Variants in TRAP1 observed in about 807,000 individuals in gnomAD.
TRAP1 encodes the protein TNF receptor associated protein 1, also known as heat shock protein 75 kDa, mitochondrial.
A neutral mutation model predicts 89.1 loss-of-function variants in TRAP1; 102 were observed. The ratio of observed to expected loss-of-function variants is 1.15; its 90% CI spans 0.98 to 1.35. The LOEUF (loss-of-function observed/expected upper bound fraction) is 1.35. Ranked by LOEUF, TRAP1 falls within the 40% of genes most tolerant of loss-of-function variation. The pLI, the probability that TRAP1 is intolerant of heterozygous loss-of-function variation, is 0.00. For missense variants in TRAP1, 1,256 were observed against 945.3 expected (o/e 1.33, Z -4.31); for synonymous variants, 508 against 388.0 (o/e 1.31, Z -3.64).
intron 8 of TRAP1, 104 bp from the exon 9 acceptor site, chr16:3,674,598 C>T: frequency 2.1e-6 from 3 of 1,404,266 alleles, no homozygotes; most frequent in Non-Finnish European, 2.9e-6. Flanking sequence ...GGACAGGCTC[C>T]TGGGACAGAC....
intron 9 of TRAP1, among the ~76,000 whole-genome samples, chr16:3,673,416 T>A (rs1485085185): frequency 2.0e-5 from 3 of 152,146 alleles, no homozygotes; most frequent in African/African-American, 7.2e-5. Flanking sequence ...TCGTGGAACG[T>A]GCCTGCCAAC....
At chr16:3,672,552 A>C (rs1284882188) in intron 10 of TRAP1, 148 bp downstream of exon 10, 1 of 1,308,206 alleles carries the variant, frequency 7.6e-7, no homozygotes, top group Admixed American at 2.8e-5. Context: ...CGGGGTCTGT[A>C]AACGCGACTG....
intron 1 of TRAP1, among the ~76,000 whole-genome samples, chr16:3,691,891 G>C (rs905159441): frequency 6.6e-6 from 1 of 152,168 alleles, no homozygotes; most frequent in Admixed American, 6.5e-5. Flanking sequence ...CCAGTGGGCT[G>C]AGAAAGTTGC....
At chr16:3,695,341 C>T (rs913861526) in intron 1 of TRAP1, among the ~76,000 whole-genome samples, 9 of 152,008 alleles carry the variant, frequency 5.9e-5, no homozygotes, top group South Asian at 4.2e-4. Flanking sequence ...GTATGTCTCT[C>T]TTAGAACCAT....
chr16:3,714,823 C>G (rs575936651), intron 1 of TRAP1, among the ~76,000 whole-genome samples: 1 of 152,122 alleles, frequency 6.6e-6, no homozygotes, highest in East Asian at 1.9e-4. Context: ...TGAAGCCAGG[C>G]ACATGCTACA....
rs1284423311 is a variant in TRAP1 at position 3,679,785 on chromosome 16, A to G, written c.477T>C (p.Thr159=). The G allele has an allele frequency of 6.2e-7, 1 of 1,614,082 alleles. No individual in the cohort carries two copies. The highest frequency in any genetic ancestry group is 1.7e-5 in the Admixed American group (1 of 60,030). The change falls in exon 5 of 18, where the codon ACT becomes ACC. Residue 159 remains threonine (T), a synonymous_variant. Coordinates refer to ENST00000246957, the MANE Select transcript of TRAP1 (RefSeq NM_016292.3). ...AEKGTITIQD[T]GIGMTQEELV... The stretch of plus-strand genomic sequence containing the variant: ...GCTCTTCCTGTGTCATCCCGATACC[A>G]GTATCCTGAGGAGAGAGACGCACTA...
chr16:3,689,490 C>T (rs1361687567), intron 2 of TRAP1, among the ~76,000 whole-genome samples: 3 of 152,044 alleles, frequency 2.0e-5, no homozygotes, highest in African/African-American at 4.8e-5. Context: ...ATGATTGGCC[C>T]GCCTCGGCCT....
In TRAP1 at chr16:3,712,015, A is replaced by AC. The variant is rs201316283; in HGVS notation, c.88+5405dup. ...CTATCAAGATTCTTTGTCAGGCCCGACGTGGTAGCTCATGTCTGTAATCCC... is the reference window on the plus strand; with the variant it reads ...CTATCAAGATTCTTTGTCAGGCCCGACCGTGGTAGCTCATGTCTGTAATCCC... On this transcript the variant is annotated intron_variant, in intron 1 of 17. Coordinates refer to ENST00000246957, the MANE Select transcript of TRAP1 (RefSeq NM_016292.3). Among the ~76,000 whole-genome samples, 1,337 of 152,142 alleles carry AC rather than the reference A, an allele frequency of 8.8e-3. 7 individuals carry two copies. The highest frequency in any genetic ancestry group is 0.025 in the African/African-American group (1,029 of 41,506).
chr16:3,672,588 C>T lies in TRAP1; in HGVS notation c.1165+112G>A, dbSNP rs1044223813. ...ACACACAGGCAGCGCAGGCCGACGG[C>T]GGTGCTCTCGCTGCAGAGGGCTGCT... On this transcript the variant is annotated intron_variant, in intron 10 of 17. Transcript: ENST00000246957. 5.7e-5 allele frequency: 82 copies of T among 1,437,496 alleles called. No homozygotes were observed. The Admixed American group carries it at 1.4e-3, about 25-fold the overall frequency. The allele number at this position is 1,437,496 out of a possible 1,614,324, so 89.0% of individuals were successfully genotyped here. A position where few individuals can be genotyped will look rare whatever the true frequency, so the allele number is the denominator to read the frequency against.
chr16:3,687,863 C>CAAAAA lies in TRAP1; in HGVS notation c.330+1187_330+1191dup, dbSNP rs200270261. ...ACCCTGTTCCAAAAAATTAAAAAAC[C>CAAAAA]AAAAAAAAAAAAAACAAAAACCCAC... On this transcript the variant is annotated intron_variant, in intron 3 of 17. Transcript: ENST00000246957. Among the ~76,000 whole-genome samples, 35 of 112,352 alleles carry CAAAAA rather than the reference C, an allele frequency of 3.1e-4. 1 individual carries two copies. The highest frequency in any genetic ancestry group is 4.7e-4 in the Non-Finnish European group (26 of 55,708). 73.7% of individuals were successfully genotyped at this position (112,352 alleles called of 152,430 possible).
intron 10 of TRAP1, 32 bp downstream of exon 10, chr16:3,672,668 G>A (rs774074592): frequency 6.3e-7 from 1 of 1,592,576 alleles, no homozygotes; most frequent in Admixed American, 1.7e-5. Flanking sequence ...CTGGGCCACG[G>A]GGGCACTGCT....
intron 9 of TRAP1, 27 bp from the exon 10 acceptor site, chr16:3,672,847 T>A (rs752777810): frequency 5.6e-6 from 9 of 1,604,696 alleles, no homozygotes; most frequent in Admixed American, 1.7e-5. Context: ...CACGCCATCA[T>A]GCAGCACTGA....
In TRAP1 at chr16:3,717,253, G is replaced by T. The variant is rs1029357199; in HGVS notation, c.88+168C>A. 1.4e-4 allele frequency among the ~76,000 whole-genome samples: 21 copies of T among 152,350 alleles called. 3 individuals are homozygous for T. Among genetic ancestry groups the T allele is most frequent in the African/African-American group, 5.1e-4 (21 of 41,580 alleles). On this transcript the variant is annotated intron_variant, in intron 1 of 17. Transcript: ENST00000246957. ...CCGAGGAAAAGGCAGCCAAGCTGGA[G>T]CTGGCGAGGAGCGGAGCGAAAGTAA...
intron 1 of TRAP1, among the ~76,000 whole-genome samples, chr16:3,700,952 C>G (rs957827835): frequency 2.0e-5 from 3 of 152,040 alleles, no homozygotes; most frequent in Non-Finnish European, 4.4e-5. Flanking sequence ...GCAATAAATC[C>G]AGCCACATCG....
chr16:3,695,847 A>G (rs2051280174), intron 1 of TRAP1, among the ~76,000 whole-genome samples: 1 of 152,158 alleles, frequency 6.6e-6, no homozygotes, highest in Admixed American at 6.6e-5. Flanking sequence ...GATTGTGGCT[A>G]CTGAGTTGGG....
At chr16:3,676,186 A>G (rs1250730526) in intron 6 of TRAP1, 41 bp from the exon 7 acceptor site, 2 of 1,567,196 alleles carry the variant, frequency 1.3e-6, no homozygotes, top group Admixed American at 1.7e-5. Context: ...TGGATGTGAC[A>G]CTGGGACATA....
At chr16:3,678,769 T>A (rs1357560586) in intron 5 of TRAP1, among the ~76,000 whole-genome samples, 1 of 152,234 alleles carries the variant, frequency 6.6e-6, no homozygotes, top group Admixed American at 6.5e-5. Context: ...CCTAGTGTTT[T>A]CATCTTACAG....
intron 14 of TRAP1, 108 bp downstream of exon 14, chr16:3,663,316 G>A (rs1290357203): frequency 2.7e-6 from 4 of 1,465,156 alleles, no homozygotes; most frequent in African/African-American, 2.8e-5. Context: ...GGGGGTGGCT[G>A]AGCCCAGGTC....
chr16:3,683,880 G>A (rs2051104823), intron 4 of TRAP1, among the ~76,000 whole-genome samples: 2 of 152,052 alleles, frequency 1.3e-5, no homozygotes, highest in South Asian at 4.1e-4. Flanking sequence ...AAAGGAAATG[G>A]TGAGACTAGG....
Sources: allele counts gnomAD v4.1 joint callset (sites outside exome capture counted in the v4.1 genomes callset), GRCh38; gene constraint gnomAD v4.1.1; transcripts MANE v1.5; gene names NCBI Gene and HGNC (gene_info 2026-07-23, HGNC 2026-07-21).